The following ENTREP1 variants were observed in gnomAD, a reference collection of about 807,000 sequenced individuals.
ENTREP1 encodes endosomal transmembrane epsin interactor 1.
chr9:69,349,645 C>A, the ENTREP1 span, among the ~76,000 whole-genome samples: 1 of 152,066 alleles, frequency 6.6e-6, no homozygotes, highest in Non-Finnish European at 1.5e-5. Flanking sequence ...TACAGAGGCT[C>A]CCCACTTACA....
the ENTREP1 span, among the ~76,000 whole-genome samples, chr9:69,360,819 T>G: frequency 1.4e-4 from 21 of 152,212 alleles, no homozygotes; most frequent in South Asian, 4.2e-3. Context: ...CCCCACAAAT[T>G]TTGGTGGAGC....
chr9:69,359,615 C>A, the ENTREP1 span, among the ~76,000 whole-genome samples: 1 of 152,202 alleles, frequency 6.6e-6, no homozygotes, highest in Admixed American at 6.5e-5. Flanking sequence ...TCCAGCCATG[C>A]TGAACTGTGA....
At chr9:69,377,255 T>A in the ENTREP1 span, 1 of 729,870 alleles carries the variant, frequency 1.4e-6, no homozygotes, top group Admixed American at 2.1e-5. Flanking sequence ...ACATGCATCC[T>A]CTCCTGAGAA....
the ENTREP1 span, among the ~76,000 whole-genome samples, chr9:69,374,735 T>C: frequency 6.6e-6 from 1 of 152,168 alleles, no homozygotes; most frequent in African/African-American, 2.4e-5. Flanking sequence ...AGATCTGACC[T>C]CTTCAGGCAG....
At chr9:69,344,007 G>A in the ENTREP1 span, among the ~76,000 whole-genome samples, 4 of 152,172 alleles carry the variant, frequency 2.6e-5, no homozygotes, top group African/African-American at 9.7e-5. Flanking sequence ...GGCAAAAACC[G>A]CAATTAATTT....
At chr9:69,367,790 CATATATATAAATATATATACACACAT>C in the ENTREP1 span, among the ~76,000 whole-genome samples, 5 of 113,660 alleles carry the variant, frequency 4.4e-5, no homozygotes, top group Non-Finnish European at 5.4e-5. Flanking sequence ...TATATACACA[CATATATATAAATATATATACACACAT>C]ATATATAAAT....
the ENTREP1 span, among the ~76,000 whole-genome samples, chr9:69,326,258 C>T: frequency 6.6e-6 from 1 of 152,006 alleles, no homozygotes; most frequent in Non-Finnish European, 1.5e-5. Context: ...GGCTCGACCC[C>T]CAGACGAGTT....
chr9:69,374,200 C>A, the ENTREP1 span, among the ~76,000 whole-genome samples: 17 of 152,130 alleles, frequency 1.1e-4, no homozygotes, highest in South Asian at 3.1e-3. Flanking sequence ...TTGTTTGTTC[C>A]TTTTTTCAGG....
At chr9:69,333,698 A>G in the ENTREP1 span, among the ~76,000 whole-genome samples, 2 of 152,180 alleles carry the variant, frequency 1.3e-5, no homozygotes, top group African/African-American at 4.8e-5. Context: ...GTCAAACGCT[A>G]ACTAATAATT....
At chr9:69,383,457 A>C in the ENTREP1 span, 1 of 1,481,726 alleles carries the variant, frequency 6.7e-7, no homozygotes, top group Non-Finnish European at 8.9e-7. Flanking sequence ...AACTCTGGCC[A>C]CTTCGTCGGA....
chr9:69,344,126 C>T, the ENTREP1 span, among the ~76,000 whole-genome samples: 1 of 152,172 alleles, frequency 6.6e-6, no homozygotes, highest in African/African-American at 2.4e-5. Flanking sequence ...TGATCAATTT[C>T]TGAATATGAC....
the ENTREP1 span, among the ~76,000 whole-genome samples, chr9:69,327,157 T>A: frequency 6.6e-6 from 1 of 152,254 alleles, no homozygotes; most frequent in Non-Finnish European, 1.5e-5. Context: ...AATACTTTCA[T>A]GTTGAATGAA....
the ENTREP1 span, chr9:69,384,171 A>G: frequency 1.7e-6 from 1 of 594,154 alleles, no homozygotes; most frequent in Non-Finnish European, 3.0e-6. Flanking sequence ...CAGCCTGGAC[A>G]ACATGGAGAG....
the ENTREP1 span, among the ~76,000 whole-genome samples, chr9:69,355,327 A>G: frequency 6.6e-6 from 1 of 152,222 alleles, no homozygotes; most frequent in Non-Finnish European, 1.5e-5. Context: ...CAGGCATTGT[A>G]TCAGACACAT....
At chr9:69,387,016 T>A in the ENTREP1 span, 1 of 152,216 alleles carries the variant, frequency 6.6e-6, no homozygotes, top group East Asian at 1.9e-4. Context: ...TTGCACAGCT[T>A]AGGGAAATCT....
the ENTREP1 span, among the ~76,000 whole-genome samples, chr9:69,358,176 T>C: frequency 6.6e-6 from 1 of 152,166 alleles, no homozygotes; most frequent in Non-Finnish European, 1.5e-5. Context: ...TTCTCACTTC[T>C]TCCTTTGACA....
At chr9:69,334,775 CTTTTTTT>C in the ENTREP1 span, among the ~76,000 whole-genome samples, 2 of 130,598 alleles carry the variant, frequency 1.5e-5, no homozygotes, top group East Asian at 4.4e-4. Context: ...CTTTCCTTTT[CTTTTTTT>C]TTTTTTTTTT....
the ENTREP1 span, chr9:69,384,013 C>T: frequency 6.2e-7 from 1 of 1,607,560 alleles, no homozygotes. Flanking sequence ...GGGCTGCACA[C>T]AAGTGACTCA....
the ENTREP1 span, among the ~76,000 whole-genome samples, chr9:69,338,391 T>G: frequency 6.6e-6 from 1 of 152,208 alleles, no homozygotes; most frequent in Non-Finnish European, 1.5e-5. Context: ...GTATTTAAAT[T>G]GAATTAAAAG....
Sources: gnomAD v4.1 joint callset for allele counts (sites outside exome capture counted in the v4.1 genomes callset) on GRCh38, gnomAD v4.1.1 for gene constraint, MANE v1.5 for transcripts, NCBI Gene and HGNC (gene_info 2026-07-23, HGNC 2026-07-21) for gene names.